ZNF121: variants seen among roughly 807,000 people sequenced by gnomAD.
ZNF121 encodes the protein zinc finger protein 121, also known as zinc finger protein 121 (clone ZHC32).
In ZNF121, 1 loss-of-function variant was observed where a neutral mutation model predicts 2.4. The observed-to-expected ratio is 0.41, with a 90% CI of 0.15 to 1.94. The LOEUF (loss-of-function observed/expected upper bound fraction) is 1.94, where lower values mean the gene tolerates loss of function less well. Ranked by LOEUF, ZNF121 falls within the 30% of genes most tolerant of loss-of-function variation. ZNF121 has a pLI of 0.30. For synonymous variants in ZNF121, 173 were observed against 158.6 expected (o/e 1.09, Z -0.68); for missense variants, 369 against 466.3 (o/e 0.79, Z 1.92).
rs71185609 is a variant in ZNF121 at position 9,565,353 on chromosome 19, C to CAAAAAAAAAAAAAAAAAAAAAAAAAAAAA, written c.*558_*586dup. 1 of 29,814 alleles carries CAAAAAAAAAAAAAAAAAAAAAAAAAAAAA rather than the reference C, an allele frequency of 3.4e-5. No individual in the cohort carries two copies. Among genetic ancestry groups the CAAAAAAAAAAAAAAAAAAAAAAAAAAAAA allele is most frequent in the Non-Finnish European group, 6.7e-5 (1 of 14,896 alleles). The allele number at this position is 29,814 out of a possible 1,614,324, so 1.8% of individuals were successfully genotyped here. A position where few individuals can be genotyped will look rare whatever the true frequency, so the allele number is the denominator to read the frequency against. On this transcript the variant is annotated 3_prime_UTR_variant, in exon 4 of 4. Transcript: ENST00000320451. ...AAGAATGTGTATTAACAACGACTTA[C>CAAAAAAAAAAAAAAAAAAAAAAAAAAAAA]AAAAAAAAAAAAAAAAAAAAAAAAA...
At position 9,582,935 on chromosome 19, in the gene ZNF121, G is replaced by C. The variant is rs563344889; in HGVS notation, c.-160+1526C>G. Among the ~76,000 whole-genome samples, 5 of 41,318 alleles carry C rather than the reference G, an allele frequency of 1.2e-4. No individual in the cohort carries two copies. In the East Asian group the frequency reaches 4.1e-3, roughly 34 times the overall value. 27.1% of individuals were successfully genotyped at this position (41,318 alleles called of 152,430 possible). ...TTCTGATTATAAAGCCTCCATCCTG[G>C]CCAGGAGCGGAGGCTCACGCCTGTA... On this transcript the variant is annotated intron_variant, in intron 1 of 3. Transcript: ENST00000320451.
chr19:9,583,277 G>T (rs1285802776), intron 1 of ZNF121, among the ~76,000 whole-genome samples: 1 of 151,492 alleles, frequency 6.6e-6, no homozygotes, highest in Admixed American at 6.6e-5. Flanking sequence ...AGCTCTGTGG[G>T]GGGGTACAGA....
chr19:9,578,465 C>A (rs2074226931), intron 1 of ZNF121, among the ~76,000 whole-genome samples: 1 of 151,734 alleles, frequency 6.6e-6, no homozygotes, highest in Non-Finnish European at 1.5e-5. Flanking sequence ...TACAAAGCTA[C>A]CATAGCCAAA....
chr19:9,575,511 G>T (rs896216607), intron 1 of ZNF121, among the ~76,000 whole-genome samples: 60 of 152,102 alleles, frequency 3.9e-4, no homozygotes, highest in African/African-American at 1.4e-3. Context: ...TGGGAAGGCT[G>T]AGATGGGCAG....
At chr19:9,583,489 C>CT (rs1185311747) in intron 1 of ZNF121, among the ~76,000 whole-genome samples, 1,223 of 56,392 alleles carry the variant, frequency 0.022, 124 homozygotes, top group East Asian at 0.043. Flanking sequence ...CCAAGCCTGG[C>CT]TTTTTTTTTT....
At chr19:9,583,890 C>CA (rs1402103303) in intron 1 of ZNF121, among the ~76,000 whole-genome samples, 1 of 152,164 alleles carries the variant, frequency 6.6e-6, no homozygotes, top group Admixed American at 6.5e-5. Context: ...TAAAGGCTCA[C>CA]AGTCTACACG....
chr19:9,581,015 T>C (rs2074245014), intron 1 of ZNF121, among the ~76,000 whole-genome samples: 1 of 152,176 alleles, frequency 6.6e-6, no homozygotes, highest in South Asian at 2.1e-4. Flanking sequence ...ACAAAGGTTG[T>C]CAGCTTCTCC....
At position 9,560,525 on chromosome 19, in the gene ZNF121, A is replaced by T. The variant is rs2074095370; in HGVS notation, c.*5415T>A. ...TCTCCTCCACCAGCTTGTGGCAAAT[A>T]CCGCAGTACTTTGTTCTTCTGAGTT... On this transcript the variant is annotated 3_prime_UTR_variant, in exon 4 of 4. Coordinates refer to ENST00000320451, the MANE Select transcript of ZNF121 (RefSeq NM_001008727.5). The T allele has an allele frequency of 6.6e-6, 1 of 152,178 alleles. No homozygotes were observed. Among genetic ancestry groups the T allele is most frequent in the South Asian group, 2.1e-4 (1 of 4,836 alleles). 9.4% of individuals were successfully genotyped at this position (152,178 alleles called of 1,614,324 possible).
At position 9,568,170 on chromosome 19, in the gene ZNF121, G is replaced by A; in HGVS notation, c.-73C>T. The A allele has an allele frequency of 6.9e-7, 1 of 1,449,888 alleles. No individual in the cohort carries two copies. Among genetic ancestry groups the A allele is most frequent in the Non-Finnish European group, 9.3e-7 (1 of 1,076,658 alleles). The allele number at this position is 1,449,888 out of a possible 1,614,324, so 89.8% of individuals were successfully genotyped here. ...GGTGCTGACACTTTGGTTTTAACTT[G>A]CCATTCTGAAGTAAAACAGAAAAAA... On this transcript the variant is annotated 5_prime_UTR_variant, in exon 3 of 4. Transcript: ENST00000320451.
At chr19:9,570,443 GTTA>G (rs1266931516) in intron 1 of ZNF121, among the ~76,000 whole-genome samples, 2 of 152,154 alleles carry the variant, frequency 1.3e-5, no homozygotes. Flanking sequence ...CTTCACAAAG[GTTA>G]TTAAGAGAGT....
intron 1 of ZNF121, among the ~76,000 whole-genome samples, chr19:9,582,448 C>T (rs1260092922): frequency 3.3e-5 from 5 of 152,136 alleles, no homozygotes; most frequent in East Asian, 3.8e-4. Context: ...TTGTGATCCC[C>T]GCCCCTGCCC....
intron 1 of ZNF121, among the ~76,000 whole-genome samples, chr19:9,575,318 G>C (rs1221218531): frequency 6.6e-6 from 1 of 152,212 alleles, no homozygotes; most frequent in African/African-American, 2.4e-5. Flanking sequence ...AGCTACACTG[G>C]AGGCTGAGGC....
Position 9,566,349 on chromosome 19 carries a change from G to C in ZNF121, c.764C>G (p.Pro255Arg). ...EHFKTHTEEK[P>R]FECKVCGKSF... is the part of the protein sequence containing the mutation. ...TTTTCCACATACCTTACATTCAAAG[G>C]GCTTCTCCTCTGTGTGAGTTTTAAA... The change falls in exon 4 of 4, where the codon CCC becomes CGC. Residue 255 changes from proline to arginine, a missense_variant. Pro to Arg is a moderately radical substitution (Grantham distance 103). Transcript: ENST00000320451. 1 of 1,613,538 alleles carries C rather than the reference G, an allele frequency of 6.2e-7. No individual in the cohort carries two copies. Among genetic ancestry groups the C allele is most frequent in the Non-Finnish European group, 8.5e-7 (1 of 1,179,920 alleles).
chr19:9,572,634 G>A (rs1008555957), intron 1 of ZNF121, among the ~76,000 whole-genome samples: 3 of 152,164 alleles, frequency 2.0e-5, no homozygotes, highest in African/African-American at 7.2e-5. Context: ...CCTTCCCACA[G>A]TGCTGGAATA....
At chr19:9,580,017 C>T (rs908014656) in intron 1 of ZNF121, among the ~76,000 whole-genome samples, 3 of 152,048 alleles carry the variant, frequency 2.0e-5, no homozygotes, top group African/African-American at 4.8e-5. Context: ...GTCAGCCAGG[C>T]GCGGGTGGCT....
At chr19:9,578,016 T>A (rs1458341632) in intron 1 of ZNF121, among the ~76,000 whole-genome samples, 2 of 132,406 alleles carry the variant, frequency 1.5e-5, no homozygotes, top group Non-Finnish European at 3.2e-5. Context: ...CATGGTGAAA[T>A]CCCATCTCTA....
chr19:9,575,131 C>T (rs1324668039), intron 1 of ZNF121, among the ~76,000 whole-genome samples: 6 of 152,200 alleles, frequency 3.9e-5, no homozygotes, highest in Admixed American at 1.3e-4. Context: ...CTAAGAATAC[C>T]GTATTCAGGT....
intron 3 of ZNF121, 132 bp from the exon 4 acceptor site, chr19:9,567,241 C>G: frequency 1.4e-6 from 1 of 733,900 alleles, no homozygotes; most frequent in South Asian, 2.1e-5. Flanking sequence ...AGTTGCTGCC[C>G]CATGTATTTC....
At chr19:9,573,499 C>T (rs920055838) in intron 1 of ZNF121, among the ~76,000 whole-genome samples, 25 of 152,214 alleles carry the variant, frequency 1.6e-4, no homozygotes, top group African/African-American at 4.3e-4. Flanking sequence ...CGGCAAGATG[C>T]AGAAAATTAC....
Sources: allele counts gnomAD v4.1 joint callset (sites outside exome capture counted in the v4.1 genomes callset), GRCh38; gene constraint gnomAD v4.1.1; transcripts MANE v1.5; gene names NCBI Gene and HGNC (gene_info 2026-07-23, HGNC 2026-07-21).